TMEM14A: variants seen among roughly 807,000 people sequenced by gnomAD.
TMEM14A encodes the protein transmembrane protein 14A.
Under a neutral mutation model 11.6 loss-of-function variants are expected in TMEM14A, and 8 were observed. The ratio of observed to expected loss-of-function variants is 0.69; its 90% CI spans 0.40 to 1.24. The LOEUF is 1.24. Ranked by LOEUF, TMEM14A falls within the 50% of genes most tolerant of loss-of-function variation. The pLI, the probability that TMEM14A is intolerant of heterozygous loss-of-function variation, is 0.01. For synonymous variants in TMEM14A, 34 were observed against 45.5 expected, an observed-to-expected ratio of 0.75 and a Z score of 1.02; for missense variants, 108 against 121.9, an observed-to-expected ratio of 0.89 and a Z score of 0.54.
At chr6:52,680,185 T>C (rs1175628640) in intron 2 of TMEM14A, among the ~76,000 whole-genome samples, 1 of 151,802 alleles carries the variant, frequency 6.6e-6, no homozygotes, top group Admixed American at 6.6e-5. Context: ...TATAAACATA[T>C]GATCAGGAAT....
intron 3 of TMEM14A, among the ~76,000 whole-genome samples, chr6:52,683,395 G>T (rs1769427290): frequency 6.6e-6 from 1 of 150,720 alleles, no homozygotes; most frequent in Non-Finnish European, 1.5e-5. Context: ...GGGAGGTGGA[G>T]GTTGCAGTGA....
intron 3 of TMEM14A, among the ~76,000 whole-genome samples, chr6:52,683,494 A>T (rs886717379): frequency 6.6e-6 from 1 of 152,042 alleles, no homozygotes; most frequent in African/African-American, 2.4e-5. Context: ...AAAAAAAAAA[A>T]AAAGAAAAAG....
intron 2 of TMEM14A, among the ~76,000 whole-genome samples, chr6:52,680,585 T>TTATATTTA: frequency 3.0e-5 from 1 of 33,252 alleles, no homozygotes; most frequent in East Asian, 1.8e-3. Context: ...CACTATATAT[T>TTATATTTA]TATATATTTA....
At chr6:52,682,717 G>A (rs565426350) in intron 3 of TMEM14A, among the ~76,000 whole-genome samples, 33 of 151,738 alleles carry the variant, frequency 2.2e-4, no homozygotes, top group Admixed American at 2.0e-3. Flanking sequence ...CATTTAAATA[G>A]TTCACAAGTA....
intron 2 of TMEM14A, among the ~76,000 whole-genome samples, chr6:52,681,213 G>A (rs542671648): frequency 6.1e-4 from 93 of 152,180 alleles, no homozygotes; most frequent in Non-Finnish European, 1.2e-3. Flanking sequence ...GAGTGTACTG[G>A]TGGGGTGAGT....
chr6:52,685,271 G>A (rs1025115885), intron 4 of TMEM14A, among the ~76,000 whole-genome samples: 2 of 152,184 alleles, frequency 1.3e-5, no homozygotes, highest in East Asian at 3.8e-4. Context: ...TGTTCTAAAA[G>A]TGATACTTGG....
chr6:52,677,115 G>A lies in TMEM14A; in HGVS notation c.13G>A (p.Gly5Ser), dbSNP rs1769271605. The A allele has an allele frequency of 1.9e-6, 3 of 1,614,142 alleles. No individual in the cohort carries two copies. Among genetic ancestry groups the A allele is most frequent in the Non-Finnish European group, 1.7e-6 (2 of 1,180,028 alleles). Residue 5 changes from glycine (G) to serine (S), a missense_variant, in exon 2 of 5, where the codon GGT becomes AGT. By Grantham distance (56) the Gly-to-Ser change is moderately conservative. Coordinates refer to ENST00000211314, the MANE Select transcript of TMEM14A (RefSeq NM_014051.4). MDLI[G>S]FGYAALVTFG... Reference sequence around the variant, plus strand: ...TGCAACCTTGCCAATGGACCTGATCGGTTTTGGTTATGCAGCCCTCGTGAC... The same window carrying A: ...TGCAACCTTGCCAATGGACCTGATCAGTTTTGGTTATGCAGCCCTCGTGAC...
chr6:52,679,779 C>G (rs1303964879), intron 2 of TMEM14A, among the ~76,000 whole-genome samples: 1 of 151,900 alleles, frequency 6.6e-6, no homozygotes, highest in Admixed American at 6.6e-5. Context: ...GGTGAGCCTG[C>G]CCCTGCTGTT....
In TMEM14A at chr6:52,686,023, C is replaced by A; in HGVS notation, c.274C>A (p.Leu92Met). Residue 92 changes from leucine (L) to methionine (M), a missense_variant, in exon 5 of 5, where the codon CTG becomes ATG. Physicochemically the swap from Leu to Met is conservative, Grantham distance 15. Transcript: ENST00000211314. ...LVAGLSLMMI[L>M]RLVLLLL Reference sequence around the variant, plus strand: ...TTTTAAATCCAGCCTCATGATGATCCTGAGACTTGTCTTGTTGCTGCTCTG... The same window carrying A: ...TTTTAAATCCAGCCTCATGATGATCATGAGACTTGTCTTGTTGCTGCTCTG... The A allele has an allele frequency of 6.2e-7, 1 of 1,611,498 alleles. No homozygotes were observed. The highest frequency in any genetic ancestry group is 1.1e-5 in the South Asian group (1 of 90,736).
intron 2 of TMEM14A, among the ~76,000 whole-genome samples, chr6:52,680,585 T>TTATATTTATATATATATATATATA (rs1769346627): frequency 1.8e-4 from 6 of 33,248 alleles, no homozygotes; most frequent in Non-Finnish European, 2.4e-4. Context: ...CACTATATAT[T>TTATATTTATATATATATATATATA]TATATATTTA....
chr6:52,677,308 G>C (rs896741003), intron 2 of TMEM14A, 136 bp downstream of exon 2: 7 of 927,112 alleles, frequency 7.6e-6, no homozygotes, highest in African/African-American at 1.6e-5. Context: ...TGTCTTGGAA[G>C]GGACTCATGA....
intron 1 of TMEM14A, among the ~76,000 whole-genome samples, chr6:52,671,940 T>C (rs1378997750): frequency 1.3e-5 from 2 of 152,230 alleles, no homozygotes; most frequent in Admixed American, 6.5e-5. Flanking sequence ...CATGGCTCCG[T>C]CATGGAATAG....
chr6:52,680,665 A>ATATATACATATATGTG (rs1352415278), intron 2 of TMEM14A, among the ~76,000 whole-genome samples: 1 of 47,208 alleles, frequency 2.1e-5, no homozygotes, highest in Admixed American at 4.0e-4. Flanking sequence ...GTGTATATAT[A>ATATATACATATATGTG]TGTGTATATA....
intron 3 of TMEM14A, 70 bp from the exon 4 acceptor site, chr6:52,684,008 A>G: frequency 7.1e-7 from 1 of 1,398,658 alleles, no homozygotes. Context: ...TTTAAATGGT[A>G]CCCGCTGTTT....
chr6:52,684,015 G>C, intron 3 of TMEM14A, 63 bp from the exon 4 acceptor site: 2 of 1,489,058 alleles, frequency 1.3e-6, no homozygotes. Context: ...GGTACCCGCT[G>C]TTTTCCCACA....
At chr6:52,674,092 A>T (rs749292087) in intron 1 of TMEM14A, among the ~76,000 whole-genome samples, 4 of 152,240 alleles carry the variant, frequency 2.6e-5, no homozygotes, top group Non-Finnish European at 5.9e-5. Context: ...TTAAAGATGG[A>T]GAAACTGAGT....
At chr6:52,682,657 T>A (rs1215540760) in intron 3 of TMEM14A, among the ~76,000 whole-genome samples, 2 of 151,896 alleles carry the variant, frequency 1.3e-5, no homozygotes, top group African/African-American at 4.8e-5. Flanking sequence ...AATGAGGTTG[T>A]GTTAGATGTA....
chr6:52,681,772 T>G (rs557636919), intron 2 of TMEM14A, 41 bp from the exon 3 acceptor site: 83 of 1,531,102 alleles, frequency 5.4e-5, no homozygotes, highest in Admixed American at 4.5e-4. Context: ...CCTTTCCTTT[T>G]GGGATTCTCT....
At chr6:52,680,708 C>CATATATGTATAT (rs1554137490) in intron 2 of TMEM14A, among the ~76,000 whole-genome samples, 13 of 21,500 alleles carry the variant, frequency 6.0e-4, no homozygotes, top group African/African-American at 1.2e-3. Flanking sequence ...TATATATACA[C>CATATATGTATAT]ATATATATAT....
Sources: gnomAD v4.1 joint callset for allele counts (sites outside exome capture counted in the v4.1 genomes callset) on GRCh38, gnomAD v4.1.1 for gene constraint, MANE v1.5 for transcripts, NCBI Gene and HGNC (gene_info 2026-07-23, HGNC 2026-07-21) for gene names.